Variants in FOXP2 observed in about 807,000 individuals in gnomAD.
FOXP2 encodes the protein forkhead box protein P2.
Under a neutral mutation model 115.8 loss-of-function variants are expected in FOXP2, and 12 were observed. That is an observed-to-expected ratio of 0.10 (90% CI 0.07 to 0.17). The LOEUF (loss-of-function observed/expected upper bound fraction) is 0.17. FOXP2 is among the 10% of genes least tolerant of loss of function. FOXP2 has a pLI of 1.00. For missense variants in FOXP2, 629 were observed against 843.5 expected (o/e 0.75, Z 3.15); for synonymous variants, 328 against 297.7 (o/e 1.10, Z -1.05).
intron 2 of FOXP2, among the ~76,000 whole-genome samples, chr7:114,311,523 C>T (rs1262821092): frequency 6.6e-6 from 1 of 152,056 alleles, no homozygotes; most frequent in Non-Finnish European, 1.5e-5. Context: ...TTAAATTGTC[C>T]CAAGAGTCCC....
At chr7:114,135,136 A>G (rs565919915) in intron 1 of FOXP2, among the ~76,000 whole-genome samples, 1 of 152,308 alleles carries the variant, frequency 6.6e-6, no homozygotes, top group African/African-American at 2.4e-5. Flanking sequence ...AAGCTATACC[A>G]ATTTCTAATC....
intron 2 of FOXP2, among the ~76,000 whole-genome samples, chr7:114,507,389 GAT>G (rs1797871714): frequency 6.6e-6 from 1 of 151,768 alleles, no homozygotes; most frequent in East Asian, 1.9e-4. Flanking sequence ...TGTTTTCCAG[GAT>G]GCAATTTCAC....
chr7:114,233,886 A>G (rs1375284334), intron 1 of FOXP2, among the ~76,000 whole-genome samples: 1 of 152,084 alleles, frequency 6.6e-6, no homozygotes. Context: ...GGTGGTGCAC[A>G]CCTGTAATCC....
chr7:114,266,006 G>T (rs1285219885), intron 1 of FOXP2, among the ~76,000 whole-genome samples: 1 of 151,982 alleles, frequency 6.6e-6, no homozygotes, highest in African/African-American at 2.4e-5. Context: ...GGGAAAGGCT[G>T]CTGTGAAGGT....
intron 1 of FOXP2, among the ~76,000 whole-genome samples, chr7:114,283,884 G>A (rs904226192): frequency 1.3e-5 from 2 of 151,998 alleles, no homozygotes; most frequent in Non-Finnish European, 2.9e-5. Context: ...AATAGCTTGA[G>A]CCTGGGAATT....
intron 2 of FOXP2, among the ~76,000 whole-genome samples, chr7:114,452,549 T>A (rs1795118114): frequency 1.3e-5 from 2 of 152,082 alleles, no homozygotes. Context: ...CAGACTTCCA[T>A]ATAAAAGCTA....
intron 2 of FOXP2, among the ~76,000 whole-genome samples, chr7:114,388,697 A>G (rs1464954149): frequency 6.6e-6 from 1 of 152,248 alleles, no homozygotes; most frequent in South Asian, 2.1e-4. Flanking sequence ...CTTAAATTTC[A>G]GCCATGGACA....
At chr7:114,168,451 G>A (rs1793042242) in intron 1 of FOXP2, among the ~76,000 whole-genome samples, 1 of 152,160 alleles carries the variant, frequency 6.6e-6, no homozygotes, top group Admixed American at 6.5e-5. Flanking sequence ...GTGACATTTT[G>A]TCCCTGCCCT....
chr7:114,520,085 T>C (rs1394485727), intron 2 of FOXP2, among the ~76,000 whole-genome samples: 6 of 152,172 alleles, frequency 3.9e-5, no homozygotes, highest in Non-Finnish European at 7.3e-5. Context: ...TTTAGCATAC[T>C]CTTTATCACA....
chr7:114,639,512 A>C (rs1039970284), intron 6 of FOXP2, among the ~76,000 whole-genome samples: 16 of 151,980 alleles, frequency 1.1e-4, no homozygotes, highest in African/African-American at 3.9e-4. Context: ...TGGTTTCAGA[A>C]ACTGTTACAT....
chr7:114,101,397 A>T (rs1790952781), intron 1 of FOXP2, among the ~76,000 whole-genome samples: 1 of 152,184 alleles, frequency 6.6e-6, no homozygotes, highest in Middle Eastern at 3.4e-3. Flanking sequence ...TAGTAAGTTG[A>T]TTTACTCCAA....
In FOXP2 at chr7:114,659,339, A is replaced by C; in HGVS notation, c.1469-17A>C. Reference sequence around the variant, plus strand: ...TGAATTATTAGCAGAATTAACACCTAGTTTTTATTTTTATAGAAATTGCCC... The same window carrying C: ...TGAATTATTAGCAGAATTAACACCTCGTTTTTATTTTTATAGAAATTGCCC... On this transcript the variant is annotated splice_polypyrimidine_tract_variant and intron_variant, in intron 11 of 16. Transcript: ENST00000350908. 1 of 1,525,530 alleles carries C rather than the reference A, an allele frequency of 6.6e-7. No homozygotes were observed. Among genetic ancestry groups the C allele is most frequent in the East Asian group, 2.3e-5 (1 of 44,414 alleles). The allele number at this position is 1,525,530 out of a possible 1,614,324, so 94.5% of individuals were successfully genotyped here.
intron 3 of FOXP2, among the ~76,000 whole-genome samples, chr7:114,579,566 T>C (rs1211901352): frequency 6.6e-6 from 1 of 152,140 alleles, no homozygotes. Context: ...TTTTTTTTTC[T>C]GTCCCCCCAT....
chr7:114,360,768 T>C (rs2129187510), intron 2 of FOXP2, among the ~76,000 whole-genome samples: 1 of 152,324 alleles, frequency 6.6e-6, no homozygotes, highest in South Asian at 2.1e-4. Flanking sequence ...ATAAGATAAG[T>C]TGTAAAGCCT....
rs1033100708 is a variant in FOXP2, at chr7:114,436,398, G to T, written c.168+9719G>T. ...CCGCTAGACAGTAAGTTTTATGAGG[G>T]CAAGGGCCATATCAGTTTTTGCTCA... is the stretch of plus-strand genomic sequence containing the variant. On this transcript the variant is annotated intron_variant, in intron 2 of 16. Coordinates refer to ENST00000350908, the MANE Select transcript of FOXP2 (RefSeq NM_014491.4). 2.0e-5 allele frequency among the ~76,000 whole-genome samples: 3 copies of T among 151,150 alleles called. No individual in the cohort carries two copies. In the South Asian group the frequency reaches 6.3e-4, roughly 32 times the overall value.
chr7:114,679,312 A>T (rs1023373505), intron 16 of FOXP2, among the ~76,000 whole-genome samples: 4 of 152,156 alleles, frequency 2.6e-5, no homozygotes, highest in Non-Finnish European at 5.9e-5. Flanking sequence ...TTTACTCCAC[A>T]ATCTATAAAT....
At chr7:114,222,083 C>A (rs528456836) in intron 1 of FOXP2, among the ~76,000 whole-genome samples, 6 of 152,190 alleles carry the variant, frequency 3.9e-5, no homozygotes, top group Non-Finnish European at 8.8e-5. Context: ...GTGAGCCTCC[C>A]AAGAGAAATG....
At chr7:114,334,464 T>C (rs1457785217) in intron 2 of FOXP2, among the ~76,000 whole-genome samples, 4 of 152,050 alleles carry the variant, frequency 2.6e-5, no homozygotes, top group African/African-American at 9.7e-5. Flanking sequence ...TAAGTTTTCA[T>C]ATTTAAGCAT....
chr7:114,315,633 C>A (rs1584630316), intron 2 of FOXP2, among the ~76,000 whole-genome samples: 1 of 151,886 alleles, frequency 6.6e-6, no homozygotes, highest in Non-Finnish European at 1.5e-5. Flanking sequence ...CACACACACA[C>A]ACAAACAAAC....
Sources: gnomAD v4.1 joint callset for allele counts (sites outside exome capture counted in the v4.1 genomes callset) on GRCh38, gnomAD v4.1.1 for gene constraint, MANE v1.5 for transcripts, NCBI Gene and HGNC (gene_info 2026-07-23, HGNC 2026-07-21) for gene names.